Variants in GGA3 observed in about 807,000 individuals in gnomAD.
GGA3 encodes the protein ADP-ribosylation factor-binding protein GGA3.
In GGA3, 57 loss-of-function variants were observed where a neutral mutation model predicts 77.5. That is an observed-to-expected ratio of 0.74 (90% confidence interval 0.59 to 0.92). GGA3 has a LOEUF of 0.92. Ranked by LOEUF, GGA3 falls within the 40% of genes least tolerant of loss-of-function variation. GGA3 has a pLI of 0.00. For synonymous variants in GGA3, 416 were observed against 383.7 expected (o/e 1.08, Z -0.98); for missense variants, 970 against 914.9 (o/e 1.06, Z -0.78).
chr17:75,261,666 T>C, upstream of GGA3: 1 of 1,368,130 alleles, frequency 7.3e-7, no homozygotes, highest in Non-Finnish European at 9.8e-7. Context: ...CTGCATGGGG[T>C]CCTGAGAGGA....
At chr17:75,258,825 G>GCTT (rs1555592630) in intron 1 of GGA3, among the ~76,000 whole-genome samples, 1 of 148,538 alleles carries the variant, frequency 6.7e-6, no homozygotes, top group Non-Finnish European at 1.5e-5. Flanking sequence ...ACCATCTAGT[G>GCTT]TTTTTTTTTT....
In GGA3 at chr17:75,242,844, G is replaced by A. The variant is rs1301790123; in HGVS notation, c.596C>T (p.Ser199Phe). Residue 199 changes from serine to phenylalanine, a missense_variant, in exon 7 of 17, where the codon TCC becomes TTC. Physicochemically the swap from Ser to Phe is radical, Grantham distance 155. Coordinates refer to ENST00000537686, the MANE Select transcript of GGA3 (RefSeq NM_138619.4). ...DLQEANKLIK[S>F]MVKEDEARIQ... is the part of the protein sequence containing the mutation. ...GGGCCCACTCACTTCCTTCACCATG[G>A]ACTTGATGAGCTTGTTGGCCTCCTG... 2.5e-6 allele frequency: 4 copies of A among 1,613,590 alleles called. No homozygotes were observed. The South Asian group carries it at 4.4e-5, about 18-fold the overall frequency.
Position 75,237,774 on chromosome 17 carries a change from C to T in GGA3, c.*505G>A, listed in dbSNP as rs567132528. 1.4e-6 allele frequency: 2 copies of T among 1,429,676 alleles called. No individual in the cohort carries two copies. Among genetic ancestry groups the T allele is most frequent in the South Asian group, 3.0e-5 (2 of 66,396 alleles). The allele number at this position is 1,429,676 out of a possible 1,614,324, so 88.6% of individuals were successfully genotyped here. A position where few individuals can be genotyped will look rare whatever the true frequency, so the allele number is the denominator to read the frequency against. On this transcript the variant is annotated 3_prime_UTR_variant, in exon 17 of 17. Coordinates refer to ENST00000537686, the MANE Select transcript of GGA3 (RefSeq NM_138619.4). ...TGGGCCAGGCACCTTCCTGGGCCAC[C>T]TCCCTGGGGATGGCAGCAGGAGCTG...
intron 14 of GGA3, 60 bp from the exon 15 acceptor site, chr17:75,239,143 G>A (rs781080595): frequency 1.3e-4 from 188 of 1,499,552 alleles, no homozygotes; most frequent in Admixed American, 7.6e-4. Flanking sequence ...ACAGAGCCCC[G>A]GCGGTGAGGA....
In GGA3 at chr17:75,239,541, G is replaced by A. The variant is rs2076453529; in HGVS notation, c.1614C>T (p.Ser538=). 5.1e-6 allele frequency: 8 copies of A among 1,561,112 alleles called. No homozygotes were observed. Among genetic ancestry groups the A allele is most frequent in the African/African-American group, 1.4e-5 (1 of 73,248 alleles). ...CTGGGGTGGTGGTGGGGATGAGAGGGGAGGTAGTGGGTTTCACCAAGCCCG... is the reference window on the plus strand; with the variant it reads ...CTGGGGTGGTGGTGGGGATGAGAGGAGAGGTAGTGGGTTTCACCAAGCCCG... The part of the protein sequence containing the change: ...VTSGLVKPTT[S]PLIPTTTPAR... The change falls in exon 14 of 17, where the codon TCC becomes TCT. Residue 538 remains serine (S), a synonymous_variant. Transcript: ENST00000537686.
At chr17:75,238,817 C>T (rs1169552166) in intron 15 of GGA3, 55 bp from the exon 16 acceptor site, 1 of 1,564,190 alleles carries the variant, frequency 6.4e-7, no homozygotes, top group Non-Finnish European at 8.8e-7. Context: ...CAGATGGAAC[C>T]TGCAGTGCAC....
rs1227681610 is a variant in GGA3, at chr17:75,246,768, C to T, written c.69G>A (p.Gln23=). The T allele has an allele frequency of 6.2e-7, 1 of 1,613,516 alleles. No individual in the cohort carries two copies. Among genetic ancestry groups the T allele is most frequent in the Admixed American group, 1.7e-5 (1 of 60,024 alleles). Residue 23 remains glutamine (Q), a synonymous_variant, in exon 2 of 17, where the codon CAG becomes CAA. Coordinates refer to ENST00000537686, the MANE Select transcript of GGA3 (RefSeq NM_138619.4). ...AGCCAATTATGTATTCCCAGTCCTCCTGGCGGTTGGAAGGATTGGTGGCTT... is the reference window on the plus strand; with the variant it reads ...AGCCAATTATGTATTCCCAGTCCTCTTGGCGGTTGGAAGGATTGGTGGCTT... ...LNKATNPSNR[Q]EDWEYIIGFC...
At chr17:75,249,109 G>C (rs534835073) in intron 1 of GGA3, 254 of 514,568 alleles carry the variant, frequency 4.9e-4, no homozygotes, top group Middle Eastern at 9.8e-4. Context: ...GCAGTGGCGC[G>C]ATCTAGGCTC....
At chr17:75,244,858 G>T in intron 3 of GGA3, 141 bp from the exon 4 acceptor site, 1 of 655,284 alleles carries the variant, frequency 1.5e-6, no homozygotes, top group Non-Finnish European at 2.7e-6. Flanking sequence ...AGTGTGCACT[G>T]CCCGGGGACA....
At chr17:75,239,603 G>A (rs1027089904) in intron 13 of GGA3, 32 bp from the exon 14 acceptor site, 2 of 1,529,376 alleles carry the variant, frequency 1.3e-6, no homozygotes, top group African/African-American at 2.8e-5. Context: ...AAGCACGTCA[G>A]AGAGCCAGCC....
In GGA3 at chr17:75,241,631, G is replaced by A; in HGVS notation, c.813C>T (p.Asp271=). Residue 271 remains aspartate (D), a synonymous_variant, in exon 9 of 17, where the codon GAC becomes GAT. Transcript: ENST00000537686. ...TTCACTCACCCAAACTGTTATCATT[G>A]TCCTCAGTCTCACTGGCGAGTTTAA... ...TLFKLASETE[D]NDNSLGDILQ... The A allele has an allele frequency of 6.2e-7, 1 of 1,613,940 alleles. No homozygotes were observed. The highest frequency in any genetic ancestry group is 1.1e-5 in the South Asian group (1 of 91,078).
intron 1 of GGA3, among the ~76,000 whole-genome samples, chr17:75,256,654 T>A (rs1401294921): frequency 6.6e-6 from 1 of 152,102 alleles, no homozygotes; most frequent in African/African-American, 2.4e-5. Flanking sequence ...TCCTTTCCAT[T>A]GTGGAAATCT....
chr17:75,257,224 C>T (rs2077180449), intron 1 of GGA3, among the ~76,000 whole-genome samples: 1 of 151,794 alleles, frequency 6.6e-6, no homozygotes, highest in Non-Finnish European at 1.5e-5. Flanking sequence ...TGTATAGATG[C>T]TCCTTTTTAT....
At chr17:75,241,741 G>T in intron 8 of GGA3, 45 bp from the exon 9 acceptor site, 1 of 1,489,652 alleles carries the variant, frequency 6.7e-7, no homozygotes, top group South Asian at 1.1e-5. Context: ...AAGGCCCTTA[G>T]AGATCATCTG....
chr17:75,238,837 G>C, intron 15 of GGA3, 75 bp from the exon 16 acceptor site: 1 of 1,569,880 alleles, frequency 6.4e-7, no homozygotes, highest in Non-Finnish European at 8.7e-7. Flanking sequence ...CACACACACT[G>C]CCACCTGCTG....
chr17:75,250,944 G>T (rs2076944127), intron 1 of GGA3, among the ~76,000 whole-genome samples: 1 of 151,114 alleles, frequency 6.6e-6, no homozygotes, highest in African/African-American at 2.4e-5. Context: ...AGCTGGGCAT[G>T]GTTCCGCGCA....
At position 75,241,662 on chromosome 17, in the gene GGA3, G is replaced by C. The variant is rs2076564267; in HGVS notation, c.782C>G (p.Thr261Ser). Residue 261 changes from threonine (T) to serine (S), a missense_variant, in exon 9 of 17, where the codon ACT (threonine) becomes AGT (serine). Coordinates refer to ENST00000537686, the MANE Select transcript of GGA3 (RefSeq NM_138619.4). ...LFDQCENKRR[T>S]LFKLASETED... is the part of the protein sequence containing the mutation. ...AGTCTCACTGGCGAGTTTAAATAAA[G>C]TCCGCCTCTTGTTCTCACACTGATC... 6.2e-7 allele frequency: 1 copy of C among 1,614,098 alleles called. No homozygotes were observed. Among genetic ancestry groups the C allele is most frequent in the East Asian group, 2.2e-5 (1 of 44,884 alleles).
rs539530860 is a variant in GGA3 at position 75,261,272 on chromosome 17, G to A, written c.40+276C>T. Among the ~76,000 whole-genome samples, 23 of 152,362 alleles carry A rather than the reference G, an allele frequency of 1.5e-4. 2 individuals carry two copies. In the South Asian group the frequency reaches 4.3e-3, roughly 29 times the overall value. On this transcript the variant is annotated intron_variant, in intron 1 of 16. Coordinates refer to ENST00000537686, the MANE Select transcript of GGA3 (RefSeq NM_138619.4). ...TGTCAGCCCGAAGATCTTGGCTGTC[G>A]CCTTTCCCCGAGCCTGCGGTGCCCG...
chr17:75,261,738 CT>C (rs971582816), upstream of GGA3: 3 of 1,150,290 alleles, frequency 2.6e-6, no homozygotes, highest in African/African-American at 3.1e-5. Context: ...CAAGGGTTTC[CT>C]TTTGGCGCTC....
Sources: allele counts gnomAD v4.1 joint callset (sites outside exome capture counted in the v4.1 genomes callset), GRCh38; gene constraint gnomAD v4.1.1; transcripts MANE v1.5; gene names NCBI Gene and HGNC (gene_info 2026-07-23, HGNC 2026-07-21).